FSCN2: variants seen among roughly 807,000 people sequenced by gnomAD.
FSCN2 encodes fascin-2.
A neutral mutation model predicts 37.8 loss-of-function variants in FSCN2; 46 were observed. The observed-to-expected ratio is 1.22, with a 90% CI of 0.96 to 1.56. FSCN2 has a LOEUF of 1.56. Among genes scored for constraint, FSCN2 ranks in the 40% most tolerant of loss-of-function variants. FSCN2 has a pLI of 0.00. For synonymous variants in FSCN2, 351 were observed against 309.4 expected (o/e 1.13, Z -1.41); for missense variants, 844 against 730.4 (o/e 1.16, Z -1.79).
the FSCN2 span, among the ~76,000 whole-genome samples, chr17:81,519,700 ACCT>A: frequency 6.6e-6 from 1 of 151,988 alleles, no homozygotes; most frequent in Non-Finnish European, 1.5e-5. Context: ...GGGGCCGGTG[ACCT>A]CAGTCAGGGC....
At chr17:81,533,785 T>C (rs1347631623) in intron 1 of FSCN2, among the ~76,000 whole-genome samples, 4 of 152,130 alleles carry the variant, frequency 2.6e-5, no homozygotes, top group Non-Finnish European at 5.9e-5. Flanking sequence ...GCTGAATGAG[T>C]AGCCCCAGAC....
At chr17:81,533,400 C>A (rs1357801660) in intron 1 of FSCN2, among the ~76,000 whole-genome samples, 1 of 152,210 alleles carries the variant, frequency 6.6e-6, no homozygotes, top group East Asian at 1.9e-4. Flanking sequence ...GGTTCCCAGG[C>A]AGCCACTATC....
intron 1 of FSCN2, among the ~76,000 whole-genome samples, chr17:81,530,401 G>A (rs2032511152): frequency 6.6e-6 from 1 of 152,226 alleles, no homozygotes; most frequent in African/African-American, 2.4e-5. Flanking sequence ...CACCGCCTAT[G>A]GGGTGAACCC....
At chr17:81,524,920 C>CACACACACAT (rs34296787), upstream of FSCN2, among the ~76,000 whole-genome samples, 2 of 51,450 alleles carry the variant, frequency 3.9e-5, no homozygotes, top group Non-Finnish European at 1.0e-4. Context: ...CACACACACA[C>CACACACACAT]CACACTCACA....
the FSCN2 span, among the ~76,000 whole-genome samples, chr17:81,517,234 G>A: frequency 1.4e-5 from 2 of 140,692 alleles, no homozygotes; most frequent in African/African-American, 5.2e-5. Flanking sequence ...CCCCATCCCC[G>A]CTGTGAGCAG....
chr17:81,525,536 C>T (rs2032326236), upstream of FSCN2, among the ~76,000 whole-genome samples: 1 of 149,576 alleles, frequency 6.7e-6, no homozygotes, highest in Non-Finnish European at 1.5e-5. Context: ...GTCTGACCAA[C>T]ATAATGAAGC....
intron 3 of FSCN2, 122 bp from the exon 4 acceptor site, chr17:81,536,500 T>A (rs2032881687): frequency 6.5e-7 from 1 of 1,538,620 alleles, no homozygotes; most frequent in Non-Finnish European, 8.7e-7. Context: ...AGGCCGCACA[T>A]GAGGCAATGG....
Position 81,529,234 on chromosome 17 carries a change from G to T in FSCN2, c.703G>T (p.Ala235Ser), listed in dbSNP as rs199541595. 6 of 1,598,774 alleles carry T rather than the reference G, an allele frequency of 3.8e-6. No individual in the cohort carries two copies. Among genetic ancestry groups the T allele is most frequent in the African/African-American group, 1.3e-5 (1 of 74,556 alleles). The change falls in exon 1 of 5, where the codon GCA (alanine) becomes TCA (serine). Residue 235 changes from alanine to serine, a missense_variant. Transcript: ENST00000417245. ...CCACTACCTGGCACCCGTGGGGCCC[G>T]CAGGCACCCTCAAGGCCGGCCGAAA... ...DGHYLAPVGP[A>S]GTLKAGRNTR...
chr17:81,531,262 TGGTGGTGATGGC>T (rs1392219260), intron 1 of FSCN2, among the ~76,000 whole-genome samples: 2,274 of 135,906 alleles, frequency 0.017, 113 homozygotes, highest in African/African-American at 0.057. Context: ...ATGGTGATGA[TGGTGGTGATGGC>T]GGTGGTGATG....
the FSCN2 span, among the ~76,000 whole-genome samples, chr17:81,521,067 A>T: frequency 6.0e-5 from 9 of 150,372 alleles, no homozygotes; most frequent in Non-Finnish European, 8.9e-5. Context: ...TGGTTTTGAA[A>T]TTTTTTTTTC....
the FSCN2 span, among the ~76,000 whole-genome samples, chr17:81,521,594 A>T: frequency 6.6e-6 from 1 of 151,802 alleles, no homozygotes; most frequent in Non-Finnish European, 1.5e-5. Flanking sequence ...CTGGTCTTGA[A>T]CTCCTGGGTT....
rs1048925427 is a variant in FSCN2, at chr17:81,534,915, C to A, written c.827-137C>A. Reference sequence around the variant, plus strand: ...GGGTTCCCAGGGTCTCTGAGAGGTGCCTTCCAAATCTTCTCAAGTCAAGAG... The same window carrying A: ...GGGTTCCCAGGGTCTCTGAGAGGTGACTTCCAAATCTTCTCAAGTCAAGAG... On this transcript the variant is annotated intron_variant, in intron 1 of 4. Transcript: ENST00000417245. 10 of 593,498 alleles carry A rather than the reference C, an allele frequency of 1.7e-5. No homozygotes were observed. In the African/African-American group the frequency reaches 1.7e-4, roughly 10 times the overall value. 36.8% of individuals were successfully genotyped at this position (593,498 alleles called of 1,614,324 possible).
chr17:81,528,705 G>C lies in FSCN2; in HGVS notation c.174G>C (p.Val58=). 6.2e-7 allele frequency: 1 copy of C among 1,600,088 alleles called. No individual in the cohort carries two copies. The highest frequency in any genetic ancestry group is 8.5e-7 in the Non-Finnish European group (1 of 1,174,394). ...CCGACCCAGGACAAGGCACGGCTGT[G>C]CTGCTCCGCAGCAGCCACCTGGGCC... The part of the protein sequence containing the change: ...LEPDPGQGTA[V]LLRSSHLGRY... The change falls in exon 1 of 5, where the codon GTG becomes GTC. Residue 58 remains valine (V), a synonymous_variant. Transcript: ENST00000417245.
the FSCN2 span, among the ~76,000 whole-genome samples, chr17:81,516,499 T>A: frequency 6.6e-6 from 1 of 152,188 alleles, no homozygotes; most frequent in Non-Finnish European, 1.5e-5. Context: ...TGGCCCTGTT[T>A]CCTGAAGCTC....
chr17:81,522,725 C>T, the FSCN2 span, among the ~76,000 whole-genome samples: 2 of 152,210 alleles, frequency 1.3e-5, no homozygotes, highest in African/African-American at 4.8e-5. Context: ...CCTGTGGGCT[C>T]GTTCACGCCA....
chr17:81,520,252 G>C, the FSCN2 span, among the ~76,000 whole-genome samples: 1 of 152,196 alleles, frequency 6.6e-6, no homozygotes, highest in South Asian at 2.1e-4. Flanking sequence ...GCCTAGGGGA[G>C]GGGTGGGGGG....
chr17:81,521,670 C>A, the FSCN2 span, among the ~76,000 whole-genome samples: 1 of 152,172 alleles, frequency 6.6e-6, no homozygotes, highest in South Asian at 2.1e-4. Flanking sequence ...CCACACCCAG[C>A]CTTTGTTTTG....
At chr17:81,536,445 A>C (rs1454855197) in intron 3 of FSCN2, 177 bp from the exon 4 acceptor site, 1 of 1,479,022 alleles carries the variant, frequency 6.8e-7, no homozygotes, top group Admixed American at 2.0e-5. Context: ...AACAGGTCTG[A>C]ATGTCCTTAT....
upstream of FSCN2, among the ~76,000 whole-genome samples, chr17:81,526,373 A>G (rs1485729242): frequency 1.3e-5 from 2 of 152,242 alleles, no homozygotes; most frequent in African/African-American, 2.4e-5. Flanking sequence ...GGCCACGCCT[A>G]TCATCCCAGC....
Sources: allele counts gnomAD v4.1 joint callset (sites outside exome capture counted in the v4.1 genomes callset), GRCh38; gene constraint gnomAD v4.1.1; transcripts MANE v1.5; gene names NCBI Gene and HGNC (gene_info 2026-07-23, HGNC 2026-07-21).